Variants in SLC26A1 observed in about 807,000 individuals in gnomAD.
SLC26A1 encodes the protein solute carrier family 26 member 1.
A neutral mutation model predicts 14.5 loss-of-function variants in SLC26A1; 18 were observed. That is an observed-to-expected ratio of 1.24 (90% CI 0.86 to 1.84). SLC26A1 has a LOEUF of 1.84. Ranked by LOEUF, SLC26A1 falls within the 40% of genes most tolerant of loss-of-function variation. SLC26A1 has a pLI of 0.00. For synonymous variants in SLC26A1, 505 were observed against 492.0 expected (o/e 1.03, Z -0.35); for missense variants, 1,049 against 1,020.0 (o/e 1.03, Z -0.39).
downstream of SLC26A1, among the ~76,000 whole-genome samples, chr4:984,694 G>C (rs140405509): frequency 2.4e-4 from 36 of 152,280 alleles, 1 homozygote; most frequent in East Asian, 7.0e-3. Flanking sequence ...GGCTGGGCGT[G>C]GTGGCTCATG....
chr4:992,217 C>T (rs1470706413), intron 1 of SLC26A1: 2 of 458,156 alleles, frequency 4.4e-6, no homozygotes, highest in Admixed American at 2.3e-5. Flanking sequence ...GTGTCCACCT[C>T]CCTGGCTCCC....
downstream of SLC26A1, chr4:987,284 G>T: frequency 2.0e-6 from 3 of 1,499,332 alleles, no homozygotes; most frequent in East Asian, 2.7e-5. Flanking sequence ...GCCGCACGGG[G>T]AGAGCTCGGG....
chr4:979,466 C>T lies in SLC26A1; in HGVS notation c.615G>A (p.Trp205Ter), dbSNP rs1459160055. Residue 205 changes from tryptophan to a stop codon, truncating the protein, a stop_gained, in exon 3 of 3, where the codon TGG (tryptophan) becomes TGA (stop). Transcript: ENST00000398520. LOFTEE classifies it high-confidence loss of function. ...GCGAGTCACTCCTCTGTGTTAATTG[C>T]CATGGGTGTTGCTGGAAGCTGTTTC... The T allele has an allele frequency of 6.2e-7, 1 of 1,613,754 alleles. No individual in the cohort carries two copies. The highest frequency in any genetic ancestry group is 8.5e-7 in the Non-Finnish European group (1 of 1,179,752).
chr4:980,220 G>A (rs916702527), intron 2 of SLC26A1, among the ~76,000 whole-genome samples: 3 of 150,890 alleles, frequency 2.0e-5, no homozygotes, highest in Non-Finnish European at 2.9e-5. Context: ...GTGACTGTGA[G>A]AAGGAGGCAC....
chr4:979,268 A>C (rs1337926182), exon 3 of SLC26A1: 6 of 617,500 alleles, frequency 9.7e-6, no homozygotes, highest in Non-Finnish European at 1.7e-5. Context: ...CAGGCTGGCC[A>C]GGTTGAGGGG....
chr4:991,976 G>T, intron 1 of SLC26A1: 1 of 744,544 alleles, frequency 1.3e-6, no homozygotes, highest in Non-Finnish European at 2.3e-6. Flanking sequence ...CCATGCCATG[G>T]GGTGTGCTGA....
chr4:988,483 T>G lies in SLC26A1; in HGVS notation c.*350A>C. On this transcript the variant is annotated 3_prime_UTR_variant, in exon 3 of 3. Coordinates refer to ENST00000398516, the MANE Select transcript of SLC26A1 (RefSeq NM_022042.4). ...GGGCATAGGGAGTCCTCTTGGCACC[T>G]TGGAGGCTGCATGATGGCGGGGGAC... 1.8e-6 allele frequency: 2 copies of G among 1,121,582 alleles called. No homozygotes were observed. 69.5% of individuals were successfully genotyped at this position (1,121,582 alleles called of 1,614,324 possible).
At chr4:987,434 G>T (rs1713822266), downstream of SLC26A1, among the ~76,000 whole-genome samples, 1 of 152,154 alleles carries the variant, frequency 6.6e-6, no homozygotes, top group Non-Finnish European at 1.5e-5. Flanking sequence ...AGCCTGGGCC[G>T]CCCCCTGCAG....
chr4:985,309 C>T (rs1290263238), downstream of SLC26A1, among the ~76,000 whole-genome samples: 1 of 152,260 alleles, frequency 6.6e-6, no homozygotes, highest in Non-Finnish European at 1.5e-5. Flanking sequence ...CAAAGCGGGC[C>T]CCGCCCCCTC....
Position 988,483 on chromosome 4 carries a change from T to C in SLC26A1, c.*350A>G. 8.9e-7 allele frequency: 1 copy of C among 1,121,582 alleles called. No individual in the cohort carries two copies. The highest frequency in any genetic ancestry group is 1.1e-6 in the Non-Finnish European group (1 of 915,474). 69.5% of individuals were successfully genotyped at this position (1,121,582 alleles called of 1,614,324 possible). ...GGGCATAGGGAGTCCTCTTGGCACCTTGGAGGCTGCATGATGGCGGGGGAC... is the reference window on the plus strand; with the variant it reads ...GGGCATAGGGAGTCCTCTTGGCACCCTGGAGGCTGCATGATGGCGGGGGAC... On this transcript the variant is annotated 3_prime_UTR_variant, in exon 3 of 3. Coordinates refer to ENST00000398516, the MANE Select transcript of SLC26A1 (RefSeq NM_022042.4).
rs1483392336 is a variant in SLC26A1, at chr4:991,180, C to T, written c.524G>A (p.Cys175Tyr). 1 of 1,583,226 alleles carries T rather than the reference C, an allele frequency of 6.3e-7. No homozygotes were observed. The highest frequency in any genetic ancestry group is 8.6e-7 in the Non-Finnish European group (1 of 1,162,426). Residue 175 changes from cysteine (C) to tyrosine (Y), a missense_variant, in exon 2 of 3, where the codon TGC becomes TAC. Physicochemically the swap from Cys to Tyr is radical, Grantham distance 194. Coordinates refer to ENST00000398516, the MANE Select transcript of SLC26A1 (RefSeq NM_022042.4). Reference protein sequence around the residue: ...SAAMLDCGRDCYAIRVATALT... With the variant: ...SAAMLDCGRDYYAIRVATALT... ...GGCGGTGGCGACACGGATGGCGTAGCAGTCACGCCCGCAGTCCAGCATGGC... is the reference window on the plus strand; with the variant it reads ...GGCGGTGGCGACACGGATGGCGTAGTAGTCACGCCCGCAGTCCAGCATGGC...
chr4:992,275 C>T (rs1194927149), intron 1 of SLC26A1: 4 of 445,946 alleles, frequency 9.0e-6, no homozygotes, highest in Non-Finnish European at 1.8e-5. Flanking sequence ...ACACCAGAGC[C>T]CTCCCTCCCC....
At chr4:982,719 A>G (rs978719470), downstream of SLC26A1, among the ~76,000 whole-genome samples, 4 of 151,940 alleles carry the variant, frequency 2.6e-5, no homozygotes, top group African/African-American at 7.3e-5. Context: ...CCAAAATCTA[A>G]ATCGGAATCG....
chr4:990,006 G>T lies in SLC26A1; in HGVS notation c.933C>A (p.Leu311=), dbSNP rs1252533016. The T allele has an allele frequency of 6.4e-7, 1 of 1,572,584 alleles. No homozygotes were observed. Among genetic ancestry groups the T allele is most frequent in the Non-Finnish European group, 8.6e-7 (1 of 1,160,944 alleles). Residue 311 remains leucine, a synonymous_variant, in exon 3 of 3, where the codon CTC becomes CTA. Coordinates refer to ENST00000398516, the MANE Select transcript of SLC26A1 (RefSeq NM_022042.4). ...CCACGCTCGAGCCAAAGCGCTTGTG[G>T]AGCTGCCCGAAGTGCGACACGAGTG... The part of the protein sequence containing the change: ...VATLVSHFGQ[L]HKRFGSSVAG...
At chr4:979,256 T>G (rs1195245271) in exon 3 of SLC26A1, 11 of 608,624 alleles carry the variant, frequency 1.8e-5, no homozygotes, top group Non-Finnish European at 2.4e-5. Context: ...TTCTCTCCTC[T>G]GCAGGCTGGC....
chr4:982,361 G>T (rs1168296868), intron 2 of SLC26A1, among the ~76,000 whole-genome samples: 1 of 152,216 alleles, frequency 6.6e-6, no homozygotes, highest in East Asian at 1.9e-4. Flanking sequence ...GTCCTCGGTG[G>T]CTTGCCGGAT....
downstream of SLC26A1, chr4:986,742 G>A (rs1713744564): frequency 2.1e-6 from 1 of 477,086 alleles, no homozygotes; most frequent in South Asian, 1.5e-5. Flanking sequence ...GGGCGACAAA[G>A]CAAGACTCTG....
In SLC26A1 at chr4:989,223, C is replaced by T. The variant is rs1286320216; in HGVS notation, c.1716G>A (p.Arg572=). 6.2e-7 allele frequency: 1 copy of T among 1,610,966 alleles called. No individual in the cohort carries two copies. The highest frequency in any genetic ancestry group is 2.2e-5 in the East Asian group (1 of 44,806). The change falls in exon 3 of 3, where the codon AGG becomes AGA. Residue 572 remains arginine (R), a synonymous_variant. Coordinates refer to ENST00000398516, the MANE Select transcript of SLC26A1 (RefSeq NM_022042.4). ...CCGTCTCTGAGCCCCCCTCCTTCCT[C>T]CTGGCAGCCATGCACCCTGCGTCCA... ...TGLDAGCMAA[R]RKEGGSETGV... is the part of the protein sequence containing the mutation.
chr4:987,137 T>C (rs794726878), downstream of SLC26A1: 4 of 1,423,444 alleles, frequency 2.8e-6, no homozygotes, highest in Admixed American at 2.8e-5. Flanking sequence ...GCCTCGCTCC[T>C]GGCCGCGCCC....
Sources: allele counts gnomAD v4.1 joint callset (sites outside exome capture counted in the v4.1 genomes callset), GRCh38; gene constraint gnomAD v4.1.1; transcripts MANE v1.5; gene names NCBI Gene and HGNC (gene_info 2026-07-23, HGNC 2026-07-21).